RASGRF1: variants seen among roughly 807,000 people sequenced by gnomAD.
The protein encoded by RASGRF1 is ras-specific guanine nucleotide-releasing factor 1.
A neutral mutation model predicts 138.7 loss-of-function variants in RASGRF1; 40 were observed. The observed-to-expected ratio is 0.29, with a 90% confidence interval of 0.22 to 0.38. The LOEUF is 0.38. Ranked by LOEUF, RASGRF1 falls within the 10% of genes least tolerant of loss-of-function variation. RASGRF1 has a pLI of 1.00. For synonymous variants in RASGRF1, 614 were observed against 663.2 expected, an observed-to-expected ratio of 0.93 and a Z score of 1.14; for missense variants, 1,108 against 1,650.4, an observed-to-expected ratio of 0.67 and a Z score of 5.69.
At chr15:78,988,787 T>C (rs1567458734) in intron 22 of RASGRF1, among the ~76,000 whole-genome samples, 2 of 151,384 alleles carry the variant, frequency 1.3e-5, no homozygotes, top group African/African-American at 4.9e-5. Context: ...GACCCGGCTC[T>C]GTGGTTCAGG....
At chr15:79,081,481 CCTGCACTGGCT>C (rs1282579574) in intron 1 of RASGRF1, among the ~76,000 whole-genome samples, 2 of 152,224 alleles carry the variant, frequency 1.3e-5, no homozygotes, top group Non-Finnish European at 2.9e-5. Context: ...CACTCAGAGC[CCTGCACTGGCT>C]CTGCACTGGG....
intron 1 of RASGRF1, among the ~76,000 whole-genome samples, chr15:79,072,609 A>C (rs2057777217): frequency 6.6e-6 from 1 of 152,180 alleles, no homozygotes; most frequent in Non-Finnish European, 1.5e-5. Flanking sequence ...CTTCCATGGA[A>C]AAACAATGAC....
At chr15:79,029,128 G>C (rs2057101373) in intron 8 of RASGRF1, among the ~76,000 whole-genome samples, 1 of 152,222 alleles carries the variant, frequency 6.6e-6, no homozygotes, top group African/African-American at 2.4e-5. Flanking sequence ...TGCATTTTAG[G>C]CTTAAATTCA....
In RASGRF1 at chr15:78,993,066, GGTGTGTGTGGT is replaced by G. The variant is rs1476324558; in HGVS notation, c.3028-1283_3028-1273del. The stretch of plus-strand genomic sequence containing the variant: ...TGTGCCATGTGGGTGGTGTGTGGGT[GGTGTGTGTGGT>G]GTGTGGGTGGTGTGTATGGGGTGTT... On this transcript the variant is annotated intron_variant, in intron 20 of 26. Transcript: ENST00000558480. Among the ~76,000 whole-genome samples the G allele has an allele frequency of 2.5e-3, 364 of 144,402 alleles. 3 individuals are homozygous for G. The highest frequency in any genetic ancestry group is 9.1e-3 in the African/African-American group (354 of 39,068). 94.7% of individuals were successfully genotyped at this position (144,402 alleles called of 152,430 possible).
chr15:79,043,387 T>C (rs148431260), intron 5 of RASGRF1, among the ~76,000 whole-genome samples: 9 of 152,288 alleles, frequency 5.9e-5, no homozygotes, highest in African/African-American at 1.9e-4. Context: ...ATGTTATATT[T>C]GATTTTGATT....
intron 3 of RASGRF1, among the ~76,000 whole-genome samples, chr15:79,057,511 C>A (rs2057526598): frequency 6.6e-6 from 1 of 152,242 alleles, no homozygotes; most frequent in Non-Finnish European, 1.5e-5. Context: ...AGTGCAAAAT[C>A]TGTGGTCCTT....
intron 5 of RASGRF1, among the ~76,000 whole-genome samples, chr15:79,039,054 C>A (rs907081392): frequency 4.6e-5 from 7 of 152,006 alleles, no homozygotes; most frequent in Non-Finnish European, 1.0e-4. Flanking sequence ...TGAGGTGGCT[C>A]ACGCCTGTAA....
At chr15:79,013,045 C>T (rs1253067459) in intron 13 of RASGRF1, among the ~76,000 whole-genome samples, 1 of 152,192 alleles carries the variant, frequency 6.6e-6, no homozygotes, top group African/African-American at 2.4e-5. Context: ...ACTCACTAAA[C>T]ATATAATGGT....
intron 5 of RASGRF1, among the ~76,000 whole-genome samples, chr15:79,042,707 C>G (rs1427699745): frequency 6.6e-5 from 10 of 152,228 alleles, no homozygotes. Flanking sequence ...TGCCACCTCT[C>G]TGATCCTGGC....
At chr15:79,063,599 T>C (rs987057) in intron 2 of RASGRF1, among the ~76,000 whole-genome samples, 26,002 of 152,252 alleles carry the variant, frequency 0.17, 2,206 homozygotes, top group East Asian at 0.2. Context: ...ACTCTGTCTA[T>C]GCCTTTATCA....
At chr15:78,995,603 T>A in intron 20 of RASGRF1, 137 bp downstream of exon 20, 1 of 1,105,996 alleles carries the variant, frequency 9.0e-7, no homozygotes, top group East Asian at 2.4e-5. Context: ...CCTGTTGTTT[T>A]AAGCCGCCCA....
intron 1 of RASGRF1, among the ~76,000 whole-genome samples, chr15:79,065,119 G>A (rs888608545): frequency 2.6e-5 from 4 of 152,222 alleles, no homozygotes; most frequent in Admixed American, 2.6e-4. Flanking sequence ...TGTTATATGA[G>A]TTAAATGCAT....
intron 19 of RASGRF1, 57 bp from the exon 20 acceptor site, chr15:78,995,857 C>T: frequency 1.9e-6 from 3 of 1,561,986 alleles, no homozygotes; most frequent in Non-Finnish European, 2.6e-6. Flanking sequence ...CAGCCCCTCC[C>T]CAGCTCGGAC....
In RASGRF1 at chr15:79,049,570, C is replaced by G. The variant is rs769369387; in HGVS notation, c.550G>C (p.Asp184His). 1.9e-6 allele frequency: 3 copies of G among 1,613,578 alleles called. No homozygotes were observed. The Admixed American group carries it at 5.0e-5, about 27-fold the overall frequency. The change falls in exon 4 of 27, where the codon GAC becomes CAC. Residue 184 changes from aspartate to histidine, a missense_variant. Coordinates refer to ENST00000558480, the MANE Select transcript of RASGRF1 (RefSeq NM_001145648.3). ...LKAEITSLLK[D>H]NERIQSTQTV... is the part of the protein sequence containing the mutation. ...TGGGTGGACTGGATGCGCTCATTGT[C>G]CTTGAGCAGGGATGTGATCTGCAAC...
chr15:79,077,561 G>A (rs190280167), intron 1 of RASGRF1, among the ~76,000 whole-genome samples: 4 of 152,146 alleles, frequency 2.6e-5, no homozygotes, highest in Non-Finnish European at 4.4e-5. Context: ...TCCTGAGGGC[G>A]TGGTGGGGAG....
intron 10 of RASGRF1, among the ~76,000 whole-genome samples, chr15:79,021,258 A>G (rs1164729500): frequency 6.6e-6 from 1 of 152,246 alleles, no homozygotes; most frequent in Non-Finnish European, 1.5e-5. Flanking sequence ...TTACACAGCA[A>G]CAGATAAAGT....
intron 11 of RASGRF1, among the ~76,000 whole-genome samples, chr15:79,018,726 G>A (rs1408541668): frequency 6.6e-6 from 1 of 152,200 alleles, no homozygotes; most frequent in African/African-American, 2.4e-5. Flanking sequence ...TGCTGGGCAC[G>A]AGGGAGCCCA....
chr15:79,034,942 A>G (rs2057197185), intron 6 of RASGRF1, among the ~76,000 whole-genome samples, 189 bp downstream of exon 6: 1 of 152,272 alleles, frequency 6.6e-6, no homozygotes, highest in Non-Finnish European at 1.5e-5. Flanking sequence ...AACTAAAAAT[A>G]TATCATTTCC....
chr15:78,989,581 T>C (rs28461937), intron 22 of RASGRF1, among the ~76,000 whole-genome samples: 2,288 of 152,046 alleles, frequency 0.015, 24 homozygotes, highest in Middle Eastern at 0.024. Flanking sequence ...ACATTCTCTT[T>C]AGTGTTATCC....
Sources: gnomAD v4.1 joint callset for allele counts (sites outside exome capture counted in the v4.1 genomes callset) on GRCh38, gnomAD v4.1.1 for gene constraint, MANE v1.5 for transcripts, NCBI Gene and HGNC (gene_info 2026-07-23, HGNC 2026-07-21) for gene names.